The following MORC1 variants were observed in gnomAD, a reference collection of about 807,000 sequenced individuals.
MORC1 encodes MORC family CW-type zinc finger protein 1.
In MORC1, 59 loss-of-function variants were observed where a neutral mutation model predicts 134.9. That is an observed-to-expected ratio of 0.44 (90% CI 0.35 to 0.54). MORC1 has a LOEUF of 0.54. MORC1 is among the 20% of genes least tolerant of loss of function. The pLI is 0.00. For synonymous variants in MORC1, 395 were observed against 391.7 expected (o/e 1.01, Z -0.10); for missense variants, 947 against 1,134.5 (o/e 0.83, Z 2.37).
At chr3:109,099,181 A>G (rs906137917) in intron 6 of MORC1, among the ~76,000 whole-genome samples, 177 bp downstream of exon 6, 16 of 152,230 alleles carry the variant, frequency 1.1e-4, no homozygotes, top group African/African-American at 3.9e-4. Flanking sequence ...GAAAGGGTCA[A>G]GAGGACAGGT....
chr3:109,098,961 C>G (rs1025664716), intron 6 of MORC1, among the ~76,000 whole-genome samples: 1 of 152,158 alleles, frequency 6.6e-6, no homozygotes, highest in African/African-American at 2.4e-5. Flanking sequence ...ACCAGAGTTA[C>G]AGTTTTAAGT....
intron 26 of MORC1, among the ~76,000 whole-genome samples, chr3:108,967,903 C>T (rs2593939): frequency 0.35 from 52,421 of 151,918 alleles, 9,529 homozygotes; most frequent in Middle Eastern, 0.48. Context: ...AACTTTGGAG[C>T]GGGAAAAATC....
At chr3:108,970,995 C>T (rs1286526693) in intron 25 of MORC1, among the ~76,000 whole-genome samples, 3 of 152,160 alleles carry the variant, frequency 2.0e-5, no homozygotes, top group Non-Finnish European at 4.4e-5. Context: ...CCTACCCAAT[C>T]CTCAGCTCAG....
In MORC1 at chr3:108,959,064, T is replaced by C; in HGVS notation, c.2856A>G (p.Lys952=). ...TGTTCTGGAAGAGAAGATTATCTTC[T>C]TTAAGCAAAGCTTCTAAATAAGTGT... ...QTDTYLEALL[K]EDNLLFQNNL... Residue 952 remains lysine, a synonymous_variant, in exon 28 of 28, where the codon AAA becomes AAG. Coordinates refer to ENST00000232603, the MANE Select transcript of MORC1 (RefSeq NM_014429.4). 1 of 1,584,926 alleles carries C rather than the reference T, an allele frequency of 6.3e-7. No homozygotes were observed. Among genetic ancestry groups the C allele is most frequent in the Middle Eastern group, 1.8e-4 (1 of 5,580 alleles).
chr3:108,982,224 A>C (rs1044713412), intron 23 of MORC1, among the ~76,000 whole-genome samples: 1 of 152,206 alleles, frequency 6.6e-6, no homozygotes, highest in African/African-American at 2.4e-5. Flanking sequence ...CACCAGTTAG[A>C]ATGGCGATCA....
chr3:109,107,383 C>A (rs898661959), intron 3 of MORC1, among the ~76,000 whole-genome samples: 1 of 152,140 alleles, frequency 6.6e-6, no homozygotes, highest in African/African-American at 2.4e-5. Flanking sequence ...ACCCTCTACC[C>A]ACCAAAGTAC....
At chr3:108,993,618 G>A (rs1352377510) in intron 21 of MORC1, among the ~76,000 whole-genome samples, 2 of 152,136 alleles carry the variant, frequency 1.3e-5, no homozygotes, top group Non-Finnish European at 2.9e-5. Flanking sequence ...CAAAGCTGAT[G>A]AGAAATCACC....
intron 25 of MORC1, among the ~76,000 whole-genome samples, chr3:108,970,832 T>A (rs1426982381): frequency 6.6e-6 from 1 of 152,214 alleles, no homozygotes; most frequent in Non-Finnish European, 1.5e-5. Context: ...GGCTTACTCT[T>A]TGCACCCCAA....
intron 17 of MORC1, among the ~76,000 whole-genome samples, chr3:109,018,507 G>T (rs1403281659): frequency 6.6e-6 from 1 of 151,952 alleles, no homozygotes; most frequent in Non-Finnish European, 1.5e-5. Context: ...ATTCCAAAGG[G>T]TAAGAGTTAC....
intron 12 of MORC1, among the ~76,000 whole-genome samples, chr3:109,058,901 C>T (rs1289675027): frequency 6.6e-6 from 1 of 151,964 alleles, no homozygotes; most frequent in Non-Finnish European, 1.5e-5. Context: ...GTTGATTGGT[C>T]ACTTTTCAAA....
At chr3:109,065,824 G>T (rs36116229) in intron 9 of MORC1, among the ~76,000 whole-genome samples, 23,804 of 152,094 alleles carry the variant, frequency 0.16, 2,070 homozygotes, top group African/African-American at 0.23. Context: ...CACTATAGAA[G>T]ACTACACAGC....
intron 17 of MORC1, among the ~76,000 whole-genome samples, chr3:109,016,189 T>C (rs1171373767): frequency 6.6e-6 from 1 of 152,200 alleles, no homozygotes; most frequent in African/African-American, 2.4e-5. Flanking sequence ...TGGATTATTT[T>C]GAATTTCAAA....
intron 1 of MORC1, among the ~76,000 whole-genome samples, chr3:109,117,095 T>G (rs1422787475): frequency 6.6e-6 from 1 of 152,188 alleles, no homozygotes. Flanking sequence ...CAGCTACCTT[T>G]TAACTTTTTG....
At chr3:109,116,190 A>G (rs1951269531) in intron 1 of MORC1, among the ~76,000 whole-genome samples, 1 of 152,144 alleles carries the variant, frequency 6.6e-6, no homozygotes, top group African/African-American at 2.4e-5. Context: ...GTGTTTTAAG[A>G]AAAGGGGCGT....
chr3:109,073,698 T>A (rs1159876731), intron 8 of MORC1, among the ~76,000 whole-genome samples: 1 of 152,230 alleles, frequency 6.6e-6, no homozygotes, highest in Non-Finnish European at 1.5e-5. Flanking sequence ...CGTGAAAATA[T>A]TACATAACCA....
intron 23 of MORC1, 107 bp downstream of exon 23, chr3:108,984,609 G>T: frequency 1.2e-6 from 1 of 844,728 alleles, no homozygotes; most frequent in Non-Finnish European, 1.8e-6. Context: ...ATTCTTGATT[G>T]CTTTTGTTGC....
chr3:109,091,555 G>A (rs1270752617), intron 8 of MORC1, among the ~76,000 whole-genome samples: 2 of 151,976 alleles, frequency 1.3e-5, no homozygotes. Flanking sequence ...ACAATGAAGT[G>A]GAATTAAGGG....
chr3:109,010,809 A>G (rs1948664337), intron 17 of MORC1, among the ~76,000 whole-genome samples: 1 of 152,206 alleles, frequency 6.6e-6, no homozygotes, highest in Non-Finnish European at 1.5e-5. Flanking sequence ...TTAAAAACTC[A>G]TCCATATTGC....
At chr3:109,075,395 T>C (rs943180984) in intron 8 of MORC1, among the ~76,000 whole-genome samples, 1 of 152,194 alleles carries the variant, frequency 6.6e-6, no homozygotes, top group Non-Finnish European at 1.5e-5. Context: ...ACGTCCTGAA[T>C]GGTATTGCCT....
Sources: gnomAD v4.1 joint callset for allele counts (sites outside exome capture counted in the v4.1 genomes callset) on GRCh38, gnomAD v4.1.1 for gene constraint, MANE v1.5 for transcripts, NCBI Gene and HGNC (gene_info 2026-07-23, HGNC 2026-07-21) for gene names.